The following EPHB2 variants were observed in gnomAD, a reference collection of about 807,000 sequenced individuals.
EPHB2 encodes ephrin type-B receptor 2.
A neutral mutation model predicts 96.4 loss-of-function variants in EPHB2; 18 were observed. The ratio of observed to expected loss-of-function variants is 0.19; its 90% CI spans 0.13 to 0.28. The LOEUF (loss-of-function observed/expected upper bound fraction) is 0.28. Ranked by LOEUF, EPHB2 falls within the 10% of genes least tolerant of loss-of-function variation. The pLI, the probability that EPHB2 is intolerant of heterozygous loss-of-function variation, is 1.00. For synonymous variants in EPHB2, 506 were observed against 534.1 expected (o/e 0.95, Z 0.72); for missense variants, 989 against 1,355.4 (o/e 0.73, Z 4.25).
rs372397382 is a variant in EPHB2 at position 22,723,440 on chromosome 1, C to T, written c.61+12397C>T. Among the ~76,000 whole-genome samples the T allele has an allele frequency of 6.6e-5, 10 of 152,350 alleles. No individual in the cohort carries two copies. In the South Asian group the frequency reaches 2.1e-3, roughly 32 times the overall value. Reference sequence around the variant, plus strand: ...GCAGCTCCCGCAGCTCTCGGGAGAACAGTGGAAAAGGGCTCCTGAGCTGCC... The same window carrying T: ...GCAGCTCCCGCAGCTCTCGGGAGAATAGTGGAAAAGGGCTCCTGAGCTGCC... On this transcript the variant is annotated intron_variant, in intron 1 of 15. Coordinates refer to ENST00000374630, the MANE Select transcript of EPHB2 (RefSeq NM_017449.5).
chr1:22,747,106 G>T (rs558675283), intron 1 of EPHB2, among the ~76,000 whole-genome samples: 6 of 152,148 alleles, frequency 3.9e-5, no homozygotes, highest in Non-Finnish European at 7.3e-5. Flanking sequence ...CCAAACTCGG[G>T]TTCTGCATCA....
chr1:22,856,484 C>T (rs1645701365), intron 3 of EPHB2, among the ~76,000 whole-genome samples: 1 of 152,142 alleles, frequency 6.6e-6, no homozygotes, highest in East Asian at 1.9e-4. Context: ...TTCTGCCCTT[C>T]TGAGAGGCTC....
chr1:22,850,828 C>T (rs973978719), intron 3 of EPHB2, among the ~76,000 whole-genome samples: 3 of 152,096 alleles, frequency 2.0e-5, no homozygotes, highest in African/African-American at 4.8e-5. Context: ...GGAGAAACGG[C>T]GCATGCACAG....
At chr1:22,892,114 G>A (rs1479910880) in intron 6 of EPHB2, among the ~76,000 whole-genome samples, 4 of 152,012 alleles carry the variant, frequency 2.6e-5, no homozygotes, top group Admixed American at 2.0e-4. Context: ...GAATCTCAAA[G>A]CAACCCTGAA....
chr1:22,810,722 C>T (rs1221203316), intron 3 of EPHB2, among the ~76,000 whole-genome samples: 2 of 152,194 alleles, frequency 1.3e-5, no homozygotes, highest in Non-Finnish European at 2.9e-5. Flanking sequence ...GTTTATCTTC[C>T]AGTCTCTCTG....
intron 6 of EPHB2, among the ~76,000 whole-genome samples, chr1:22,886,688 A>G (rs1302861807): frequency 7.0e-6 from 1 of 142,628 alleles, no homozygotes; most frequent in South Asian, 2.3e-4. Flanking sequence ...GTGCAGTGGC[A>G]CAATCTCGGC....
At chr1:22,793,914 C>A (rs1644732169) in intron 3 of EPHB2, among the ~76,000 whole-genome samples, 1 of 151,760 alleles carries the variant, frequency 6.6e-6, no homozygotes, top group Admixed American at 6.6e-5. Flanking sequence ...AACTTATTAA[C>A]CTGAAGAGAT....
At position 22,907,085 on chromosome 1, in the gene EPHB2, G is replaced by A. The variant is rs192017577; in HGVS notation, c.2136+128G>A. 2.6e-5 allele frequency: 34 copies of A among 1,307,208 alleles called. No homozygotes were observed. The Admixed American group carries it at 4.0e-4, about 15-fold the overall frequency. The allele number at this position is 1,307,208 out of a possible 1,614,324, so 81.0% of individuals were successfully genotyped here. A position where few individuals can be genotyped will look rare whatever the true frequency, so the allele number is the denominator to read the frequency against. ...CTAGGTCAGGAATGGCTTGCAGGCT[G>A]TCACTTTCCATTCCCTTATCCATGG... is the stretch of plus-strand genomic sequence containing the variant. On this transcript the variant is annotated intron_variant, in intron 11 of 15. Transcript: ENST00000374630.
chr1:22,913,697 A>G lies in EPHB2; in HGVS notation c.*127A>G. ...CAGGAGGCCACGGGCCACGGGAAGA[A>G]CCAAGCGGTGCCAGCCACGAGACGT... On this transcript the variant is annotated 3_prime_UTR_variant, in exon 16 of 16. Coordinates refer to ENST00000374630, the MANE Select transcript of EPHB2 (RefSeq NM_017449.5). The surrounding 1 kb of genome is among the most constrained non-coding windows in gnomAD (Gnocchi z 4.1). 6.2e-7 allele frequency: 1 copy of G among 1,603,232 alleles called. No homozygotes were observed. The highest frequency in any genetic ancestry group is 8.5e-7 in the Non-Finnish European group (1 of 1,175,026).
At chr1:22,821,045 A>G (rs955638613) in intron 3 of EPHB2, among the ~76,000 whole-genome samples, 5 of 152,232 alleles carry the variant, frequency 3.3e-5, no homozygotes, top group Non-Finnish European at 5.9e-5. Context: ...GGCAGCTGGT[A>G]CAGCTCCATA....
Position 22,915,689 on chromosome 1 carries a change from C to T in EPHB2, c.*2119C>T, listed in dbSNP as rs949371198. 1.3e-5 allele frequency: 2 copies of T among 152,278 alleles called. No individual in the cohort carries two copies. The highest frequency in any genetic ancestry group is 4.8e-5 in the African/African-American group (2 of 41,444). The allele number at this position is 152,278 out of a possible 1,614,324, so 9.4% of individuals were successfully genotyped here. A position where few individuals can be genotyped will look rare whatever the true frequency, so the allele number is the denominator to read the frequency against. On this transcript the variant is annotated 3_prime_UTR_variant, in exon 16 of 16. Transcript: ENST00000374630. ...GTGGGAACGTGAGGGTCTTAGAGTG[C>T]TCATGTACCCCCAGGCACAGCCAAC...
At chr1:22,807,621 A>G (rs540592605) in intron 3 of EPHB2, among the ~76,000 whole-genome samples, 7 of 152,278 alleles carry the variant, frequency 4.6e-5, no homozygotes, top group Middle Eastern at 3.4e-3. Context: ...CATGCCCTCC[A>G]GATGCTCCCA....
At chr1:22,722,340 C>T (rs575001511) in intron 1 of EPHB2, among the ~76,000 whole-genome samples, 31 of 152,328 alleles carry the variant, frequency 2.0e-4, no homozygotes, top group African/African-American at 7.0e-4. Flanking sequence ...TTCTAAAATA[C>T]AGTTCTGGCC....
chr1:22,819,205 G>GTCCCTCTCTC (rs1553167361), intron 3 of EPHB2, among the ~76,000 whole-genome samples: 4 of 103,394 alleles, frequency 3.9e-5, no homozygotes, highest in Admixed American at 2.3e-4. Context: ...CCCAGCAGAT[G>GTCCCTCTCTC]TCTCTCTCTC....
chr1:22,866,938 A>G (rs1037685929), intron 5 of EPHB2, among the ~76,000 whole-genome samples: 2 of 152,188 alleles, frequency 1.3e-5, no homozygotes, highest in African/African-American at 2.4e-5. Context: ...CTGTCTAAGT[A>G]AAAACAAGAG....
At chr1:22,743,904 G>C (rs1272274211) in intron 1 of EPHB2, among the ~76,000 whole-genome samples, 1 of 152,226 alleles carries the variant, frequency 6.6e-6, no homozygotes, top group East Asian at 1.9e-4. Context: ...CTCTAAGTCA[G>C]GAAGCTTGAT....
At chr1:22,786,807 A>T (rs554948329) in intron 3 of EPHB2, among the ~76,000 whole-genome samples, 1 of 152,342 alleles carries the variant, frequency 6.6e-6, no homozygotes, top group Admixed American at 6.5e-5. Flanking sequence ...AGTCACAGGG[A>T]ACAGGGCATT....
At chr1:22,808,944 C>A (rs1336775117) in intron 3 of EPHB2, among the ~76,000 whole-genome samples, 1 of 152,216 alleles carries the variant, frequency 6.6e-6, no homozygotes, top group Non-Finnish European at 1.5e-5. Flanking sequence ...GGCCACCCTG[C>A]GGGCTGCTGG....
intron 1 of EPHB2, among the ~76,000 whole-genome samples, chr1:22,777,032 C>T (rs1017732368): frequency 2.6e-5 from 4 of 152,174 alleles, no homozygotes; most frequent in Admixed American, 1.3e-4. Flanking sequence ...TCTCGAAGCA[C>T]CCGTGGCTGC....
Sources: gnomAD v4.1 joint callset for allele counts (sites outside exome capture counted in the v4.1 genomes callset) on GRCh38, gnomAD v4.1.1 for gene constraint, Gnocchi (gnomAD v3.1) non-coding constraint, MANE v1.5 for transcripts, NCBI Gene and HGNC (gene_info 2026-07-23, HGNC 2026-07-21) for gene names.